The following SLC4A10 variants were observed in gnomAD, a reference collection of about 807,000 sequenced individuals.
SLC4A10 encodes solute carrier family 4 member 10, also known as sodium-driven chloride bicarbonate exchanger.
In SLC4A10, 42 loss-of-function variants were observed where a neutral mutation model predicts 137.7. The observed-to-expected ratio is 0.30, with a 90% CI of 0.24 to 0.39. The LOEUF (loss-of-function observed/expected upper bound fraction) is 0.39. SLC4A10 is among the 10% of genes least tolerant of loss of function. SLC4A10 has a pLI of 1.00. For missense variants in SLC4A10, 925 were observed against 1,355.0 expected, an observed-to-expected ratio of 0.68 and a Z score of 4.98; for synonymous variants, 474 against 464.1, an observed-to-expected ratio of 1.02 and a Z score of -0.27.
intron 15 of SLC4A10, among the ~76,000 whole-genome samples, chr2:161,930,737 C>G (rs1156988040): frequency 6.6e-6 from 1 of 151,804 alleles, no homozygotes; most frequent in Non-Finnish European, 1.5e-5. Context: ...CTACTCAGAG[C>G]TAACACAACA....
intron 5 of SLC4A10, among the ~76,000 whole-genome samples, chr2:161,858,727 T>C (rs75174596): frequency 0.031 from 4,777 of 152,308 alleles, 127 homozygotes; most frequent in South Asian, 0.054. Flanking sequence ...TGTGTATACT[T>C]TAACCTAATT....
At chr2:161,750,256 T>G (rs2125299275) in intron 1 of SLC4A10, among the ~76,000 whole-genome samples, 1 of 150,454 alleles carries the variant, frequency 6.6e-6, no homozygotes, top group Non-Finnish European at 1.5e-5. Flanking sequence ...ATATTGTTTG[T>G]CTCATCTTTA....
At chr2:161,819,876 G>C (rs187505752) in intron 3 of SLC4A10, among the ~76,000 whole-genome samples, 2 of 152,298 alleles carry the variant, frequency 1.3e-5, no homozygotes, top group East Asian at 3.9e-4. Flanking sequence ...TGGATGAGCT[G>C]CTTTAAATTG....
intron 1 of SLC4A10, among the ~76,000 whole-genome samples, chr2:161,667,840 A>T (rs2039244769): frequency 6.6e-6 from 1 of 151,880 alleles, no homozygotes; most frequent in East Asian, 1.9e-4. Context: ...AGTTTTTTAA[A>T]AGAACTAGAA....
rs116951372 is a variant in SLC4A10, at chr2:161,946,971, C to A, written c.2104-595C>A. ...CTCATCTTTCTTGGCAGCTTTTGGA[C>A]TAGATAATTCTACAAAGTCATTGTT... On this transcript the variant is annotated intron_variant, in intron 16 of 26. Transcript: ENST00000446997. 6.0e-4 allele frequency among the ~76,000 whole-genome samples: 92 copies of A among 152,106 alleles called. No homozygotes were observed. The East Asian group carries it at 0.015, about 25-fold the overall frequency.
At chr2:161,746,878 G>A (rs1457103806) in intron 1 of SLC4A10, among the ~76,000 whole-genome samples, 2 of 152,128 alleles carry the variant, frequency 1.3e-5, no homozygotes, top group South Asian at 2.1e-4. Flanking sequence ...AAATGTTGTC[G>A]AGAAGCTACG....
intron 15 of SLC4A10, among the ~76,000 whole-genome samples, chr2:161,932,147 T>A (rs1242981929): frequency 6.6e-6 from 1 of 152,204 alleles, no homozygotes. Flanking sequence ...TTTGGGAGAA[T>A]CTTCTCATTA....
intron 1 of SLC4A10, among the ~76,000 whole-genome samples, chr2:161,640,621 C>A (rs962322121): frequency 7.1e-6 from 1 of 140,366 alleles, no homozygotes; most frequent in African/African-American, 2.7e-5. Flanking sequence ...TCCTTCCTTC[C>A]TTCCTTCCTT....
chr2:161,751,743 T>C (rs2049005410), intron 1 of SLC4A10, among the ~76,000 whole-genome samples: 1 of 151,924 alleles, frequency 6.6e-6, no homozygotes, highest in Non-Finnish European at 1.5e-5. Flanking sequence ...TTTGATTCTG[T>C]AGAAAAATGT....
chr2:161,650,325 G>T (rs1385917566), intron 1 of SLC4A10, among the ~76,000 whole-genome samples: 1 of 152,214 alleles, frequency 6.6e-6, no homozygotes, highest in Non-Finnish European at 1.5e-5. Context: ...TTTTCATTAC[G>T]TCATATCAGG....
At chr2:161,768,729 T>A (rs1217155958) in intron 1 of SLC4A10, among the ~76,000 whole-genome samples, 1 of 152,012 alleles carries the variant, frequency 6.6e-6, no homozygotes, top group Non-Finnish European at 1.5e-5. Context: ...TGAATCAGAC[T>A]ATTCTGATTA....
chr2:161,828,758 A>G (rs2058199354), intron 3 of SLC4A10, among the ~76,000 whole-genome samples: 1 of 87,724 alleles, frequency 1.1e-5, no homozygotes, highest in African/African-American at 4.3e-5. Context: ...CTTGGTTTTA[A>G]TTCTAATTCA....
chr2:161,912,825 A>G (rs538796560), intron 15 of SLC4A10, among the ~76,000 whole-genome samples: 1 of 152,312 alleles, frequency 6.6e-6, no homozygotes, highest in African/African-American at 2.4e-5. Context: ...TGGCCTCTCT[A>G]GTTTTGCCAG....
rs186334573 is a variant in SLC4A10 at position 161,743,427 on chromosome 2, G to T, written c.49-27546G>T. On this transcript the variant is annotated intron_variant, in intron 1 of 26. Transcript: ENST00000446997. ...CACCATTATCAAAAATGAGTTCACT[G>T]TAGATGTATGGATTTATGTTTGGGT... is the stretch of plus-strand genomic sequence containing the variant. Among the ~76,000 whole-genome samples the T allele has an allele frequency of 2.2e-3, 329 of 152,272 alleles. 3 individuals are homozygous for T. The highest frequency in any genetic ancestry group is 0.02 in the Middle Eastern group (6 of 294).
intron 15 of SLC4A10, among the ~76,000 whole-genome samples, chr2:161,906,988 G>T: frequency 6.7e-6 from 1 of 150,044 alleles, no homozygotes; most frequent in Non-Finnish European, 1.5e-5. Context: ...CCCGGGAGGC[G>T]GAGCTTGCAG....
chr2:161,925,878 A>G (rs1688976149), intron 15 of SLC4A10, among the ~76,000 whole-genome samples: 1 of 152,054 alleles, frequency 6.6e-6, no homozygotes. Context: ...GAGTTTCTTA[A>G]TCCTGAGTTC....
At chr2:161,737,346 C>G (rs2047447585) in intron 1 of SLC4A10, among the ~76,000 whole-genome samples, 1 of 151,852 alleles carries the variant, frequency 6.6e-6, no homozygotes, top group Non-Finnish European at 1.5e-5. Flanking sequence ...AGAAACGATT[C>G]TCTATGTCTG....
intron 7 of SLC4A10, 45 bp downstream of exon 7, chr2:161,872,429 C>G: frequency 7.2e-7 from 1 of 1,385,440 alleles, no homozygotes; most frequent in Non-Finnish European, 1.0e-6. Context: ...TAAATTACTA[C>G]TAGAAATTAC....
At chr2:161,827,123 A>C (rs2058065521) in intron 3 of SLC4A10, among the ~76,000 whole-genome samples, 1 of 151,998 alleles carries the variant, frequency 6.6e-6, no homozygotes, top group East Asian at 1.9e-4. Context: ...TCCTTTTCCG[A>C]TTCTTTTGTT....
Sources: allele counts gnomAD v4.1 joint callset (sites outside exome capture counted in the v4.1 genomes callset), GRCh38; gene constraint gnomAD v4.1.1; transcripts MANE v1.5; gene names NCBI Gene and HGNC (gene_info 2026-07-23, HGNC 2026-07-21).